The following MTMR7 variants were observed in gnomAD, a reference collection of about 807,000 sequenced individuals.
The protein encoded by MTMR7 is phosphatidylinositol-3-phosphate phosphatase MTMR7.
In MTMR7, 76 loss-of-function variants were observed where a neutral mutation model predicts 81.2. The observed-to-expected ratio is 0.94, with a 90% CI of 0.78 to 1.13. MTMR7 has a LOEUF of 1.13. Ranked by LOEUF, MTMR7 falls within the 50% of genes most tolerant of loss-of-function variation. MTMR7 has a pLI of 0.00. For missense variants in MTMR7, 1,044 were observed against 820.0 expected (o/e 1.27, Z -3.34); for synonymous variants, 372 against 289.8 (o/e 1.28, Z -2.88).
At position 17,361,412 on chromosome 8, in the gene MTMR7, C is replaced by A. The variant is rs1023030725; in HGVS notation, c.311-138G>T. The A allele has an allele frequency of 1.6e-5, 14 of 874,500 alleles. No homozygotes were observed. The South Asian group carries it at 2.2e-4, about 14-fold the overall frequency. 54.2% of individuals were successfully genotyped at this position (874,500 alleles called of 1,614,324 possible). On this transcript the variant is annotated intron_variant, in intron 3 of 13. Transcript: ENST00000180173. ...ACCCCCAGCACACTCTTGGGAGTAA[C>A]CTGTGTGCAGTGGATAGGGTCCCCC...
intron 8 of MTMR7, 110 bp downstream of exon 8, chr8:17,313,182 G>T: frequency 1.4e-6 from 1 of 702,886 alleles, no homozygotes; most frequent in Non-Finnish European, 2.4e-6. Context: ...TGGCTATCCA[G>T]TCAGTGCAGT....
intron 1 of MTMR7, among the ~76,000 whole-genome samples, chr8:17,381,531 A>C (rs140682902): frequency 2.4e-3 from 358 of 152,256 alleles, no homozygotes; most frequent in Non-Finnish European, 4.1e-3. Context: ...TGGGTAAGTA[A>C]AGTTGCTCCG....
intron 1 of MTMR7, among the ~76,000 whole-genome samples, chr8:17,403,474 C>T (rs562265501): frequency 3.0e-4 from 46 of 152,106 alleles, no homozygotes; most frequent in Non-Finnish European, 5.9e-4. Flanking sequence ...GTTTTGGTTA[C>T]GGTAGCTCTG....
At chr8:17,302,737 A>G (rs1817209571) in intron 12 of MTMR7, among the ~76,000 whole-genome samples, 1 of 99,048 alleles carries the variant, frequency 1.0e-5, no homozygotes, top group Non-Finnish European at 1.9e-5. Flanking sequence ...TTAATGGCAG[A>G]GTTTCGCTCT....
intron 6 of MTMR7, 62 bp from the exon 7 acceptor site, chr8:17,331,344 C>T (rs1818991846): frequency 1.3e-6 from 2 of 1,498,952 alleles, no homozygotes; most frequent in Non-Finnish European, 1.8e-6. Context: ...GATGAAACAA[C>T]CAAAACATTT....
At chr8:17,407,656 A>G (rs1013996130) in intron 1 of MTMR7, among the ~76,000 whole-genome samples, 4 of 152,178 alleles carry the variant, frequency 2.6e-5, no homozygotes, top group African/African-American at 9.7e-5. Context: ...GAAATATGGT[A>G]CGTTTAAAGA....
At chr8:17,355,702 T>G (rs758288993) in intron 4 of MTMR7, among the ~76,000 whole-genome samples, 42 of 151,734 alleles carry the variant, frequency 2.8e-4, no homozygotes, top group Non-Finnish European at 5.1e-4. Context: ...CTATAAATTA[T>G]AACAAATTAT....
intron 4 of MTMR7, among the ~76,000 whole-genome samples, chr8:17,358,867 G>A (rs905365364): frequency 2.0e-5 from 3 of 151,178 alleles, no homozygotes; most frequent in Non-Finnish European, 4.4e-5. Flanking sequence ...TTATTCATAT[G>A]GCAAAAAAAA....
chr8:17,313,257 C>G, intron 8 of MTMR7, 35 bp downstream of exon 8: 1 of 1,505,998 alleles, frequency 6.6e-7, no homozygotes, highest in Non-Finnish European at 9.2e-7. Context: ...GTTTGCTCAT[C>G]TGTCCCTTAA....
intron 3 of MTMR7, among the ~76,000 whole-genome samples, chr8:17,363,016 G>T (rs1585091525): frequency 6.6e-6 from 1 of 152,358 alleles, no homozygotes. Context: ...CTTTCTCCAT[G>T]TCATGTTTCT....
intron 1 of MTMR7, among the ~76,000 whole-genome samples, chr8:17,407,581 T>G (rs13277134): frequency 0.44 from 65,991 of 150,056 alleles, 15,340 homozygotes; most frequent in Admixed American, 0.6. Flanking sequence ...GTAAATATAA[T>G]GACATTTCCA....
intron 4 of MTMR7, among the ~76,000 whole-genome samples, chr8:17,353,704 T>C (rs1225274259): frequency 6.6e-6 from 1 of 152,258 alleles, no homozygotes; most frequent in Non-Finnish European, 1.5e-5. Flanking sequence ...TTTCTTTACA[T>C]GCACTCTGCC....
intron 4 of MTMR7, among the ~76,000 whole-genome samples, chr8:17,353,176 A>G (rs1819778305): frequency 6.6e-6 from 1 of 152,238 alleles, no homozygotes; most frequent in African/African-American, 2.4e-5. Flanking sequence ...ATTAAATGAC[A>G]TAAGCCTGTC....
At chr8:17,365,353 C>T (rs1389111096) in intron 3 of MTMR7, among the ~76,000 whole-genome samples, 1 of 152,046 alleles carries the variant, frequency 6.6e-6, no homozygotes, top group Non-Finnish European at 1.5e-5. Context: ...GTCTTTTCTT[C>T]AATTTCCTTT....
chr8:17,343,912 C>A (rs1427588128), intron 5 of MTMR7, among the ~76,000 whole-genome samples: 2 of 152,166 alleles, frequency 1.3e-5, no homozygotes, highest in African/African-American at 4.8e-5. Flanking sequence ...TATTACTTGG[C>A]AGCATTTCTT....
At chr8:17,342,846 G>A (rs1420405601) in intron 5 of MTMR7, among the ~76,000 whole-genome samples, 1 of 152,042 alleles carries the variant, frequency 6.6e-6, no homozygotes, top group East Asian at 1.9e-4. Flanking sequence ...ATTCCTGACT[G>A]GTGGGGAGGA....
In MTMR7 at chr8:17,300,054, G is replaced by C; in HGVS notation, c.1791C>G (p.Gly597=). ...KSFPSRSPSQ[G]DEDSALILTQ... ...TTAGAATCAGAGCAGAATCTTCATC[G>C]CCTTGTGAAGGGCTCCGGGATGGAA... The change falls in exon 14 of 14, where the codon GGC becomes GGG. Residue 597 remains glycine, a synonymous_variant. Coordinates refer to ENST00000180173, the MANE Select transcript of MTMR7 (RefSeq NM_004686.5). 6.2e-7 allele frequency: 1 copy of C among 1,614,066 alleles called. No individual in the cohort carries two copies. The highest frequency in any genetic ancestry group is 8.5e-7 in the Non-Finnish European group (1 of 1,179,990).
intron 3 of MTMR7, among the ~76,000 whole-genome samples, chr8:17,363,328 C>T (rs1156302490): frequency 6.6e-6 from 1 of 152,250 alleles, no homozygotes; most frequent in African/African-American, 2.4e-5. Context: ...GCCTCAGTTC[C>T]CTGAGTGAAA....
intron 1 of MTMR7, among the ~76,000 whole-genome samples, chr8:17,407,470 G>C (rs927026974): frequency 6.6e-6 from 1 of 152,000 alleles, no homozygotes; most frequent in African/African-American, 2.4e-5. Flanking sequence ...CTTTGACACA[G>C]TAATTCCATC....
Sources: gnomAD v4.1 joint callset for allele counts (sites outside exome capture counted in the v4.1 genomes callset) on GRCh38, gnomAD v4.1.1 for gene constraint, MANE v1.5 for transcripts, NCBI Gene and HGNC (gene_info 2026-07-23, HGNC 2026-07-21) for gene names.